SLC7A2: variants seen among roughly 807,000 people sequenced by gnomAD.
The protein encoded by SLC7A2 is cationic amino acid transporter 2.
A neutral mutation model predicts 58.9 loss-of-function variants in SLC7A2; 48 were observed. The ratio of observed to expected loss-of-function variants is 0.82; its 90% CI spans 0.65 to 1.04. The LOEUF is 1.04. Ranked by LOEUF, SLC7A2 falls within the 50% of genes least tolerant of loss-of-function variation. The probability of loss-of-function intolerance (pLI) is 0.00; values close to 1 mark genes in which losing one functional copy is unlikely to be tolerated. For missense variants in SLC7A2, 1,029 were observed against 818.8 expected (o/e 1.26, Z -3.13); for synonymous variants, 363 against 314.5 (o/e 1.15, Z -1.63).
intron 2 of SLC7A2, among the ~76,000 whole-genome samples, chr8:17,506,094 T>A (rs1800354040): frequency 6.6e-6 from 1 of 152,246 alleles, no homozygotes; most frequent in Non-Finnish European, 1.5e-5. Context: ...TTTAAATGCG[T>A]TGCATTTGTG....
intron 2 of SLC7A2, among the ~76,000 whole-genome samples, chr8:17,510,284 G>A (rs559431493): frequency 2.8e-4 from 42 of 151,782 alleles, no homozygotes; most frequent in African/African-American, 9.7e-4. Context: ...TTTTGTGTAC[G>A]AAAGTATCTG....
intron 11 of SLC7A2, 35 bp from the exon 12 acceptor site, chr8:17,563,568 A>T (rs1803121429): frequency 7.9e-7 from 1 of 1,272,478 alleles, no homozygotes. Flanking sequence ...GCTTCAAAAT[A>T]TGAGTATGTT....
At chr8:17,543,203 C>A in intron 2 of SLC7A2, 115 bp from the exon 3 acceptor site, 1 of 940,152 alleles carries the variant, frequency 1.1e-6, no homozygotes, top group Non-Finnish European at 1.6e-6. Context: ...CACACACACA[C>A]ACACACACAC....
upstream of SLC7A2, among the ~76,000 whole-genome samples, chr8:17,496,894 G>A (rs1384129827): frequency 2.0e-5 from 3 of 151,814 alleles, no homozygotes; most frequent in African/African-American, 4.8e-5. Context: ...GCCCACGTGT[G>A]CTCGGCTCCA....
At chr8:17,537,009 C>T (rs1270196042) in intron 2 of SLC7A2, among the ~76,000 whole-genome samples, 1 of 152,164 alleles carries the variant, frequency 6.6e-6, no homozygotes, top group Admixed American at 6.5e-5. Flanking sequence ...GGGGCAGCTG[C>T]CTTTCACAAG....
intron 1 of SLC7A2, among the ~76,000 whole-genome samples, chr8:17,501,099 C>G (rs1437770032): frequency 1.3e-5 from 2 of 151,768 alleles, no homozygotes; most frequent in South Asian, 2.1e-4. Context: ...CTGCAACTTT[C>G]ACCTCGTGGG....
intron 2 of SLC7A2, among the ~76,000 whole-genome samples, chr8:17,540,154 A>AT: frequency 6.6e-6 from 1 of 152,096 alleles, no homozygotes; most frequent in East Asian, 1.9e-4. Context: ...GGACTCAATA[A>AT]ATGTTTGTTT....
In SLC7A2 at chr8:17,505,766, G is replaced by C. The variant is rs150957159; in HGVS notation, c.-23+3464G>C. ...TGACATTTGAAATCTAATCTTGCCA[G>C]TTCAATGTCAGTCTGATACGGATAT... On this transcript the variant is annotated intron_variant, in intron 2 of 12. Transcript: ENST00000494857. Among the ~76,000 whole-genome samples the C allele has an allele frequency of 1.1e-4, 16 of 152,268 alleles. 1 individual carries two copies. The highest frequency in any genetic ancestry group is 3.1e-4 in the African/African-American group (13 of 41,542).
intron 2 of SLC7A2, among the ~76,000 whole-genome samples, chr8:17,542,026 A>G (rs990516671): frequency 6.6e-6 from 1 of 152,104 alleles, no homozygotes; most frequent in Non-Finnish European, 1.5e-5. Context: ...TGGACTTTGG[A>G]CTTATTTATC....
At chr8:17,562,180 A>ATTTTTTTTTTTTTTTT (rs200130071) in intron 11 of SLC7A2, 70 bp downstream of exon 11, 42 of 594,372 alleles carry the variant, frequency 7.1e-5, no homozygotes, top group African/African-American at 6.6e-4. Context: ...TTTGGTAAGT[A>ATTTTTTTTTTTTTTTT]TTTTTTTTTT....
intron 3 of SLC7A2, among the ~76,000 whole-genome samples, chr8:17,544,238 A>C (rs1476242521): frequency 6.6e-6 from 1 of 152,236 alleles, no homozygotes; most frequent in African/African-American, 2.4e-5. Context: ...TTTTTAAGTT[A>C]TAATTCTTTA....
chr8:17,518,176 C>G (rs1246068980), intron 2 of SLC7A2, among the ~76,000 whole-genome samples: 5 of 151,692 alleles, frequency 3.3e-5, no homozygotes, highest in Non-Finnish European at 7.4e-5. Flanking sequence ...CTTTTTCTCC[C>G]CATATGATAG....
At chr8:17,513,801 C>T (rs557699531) in intron 2 of SLC7A2, among the ~76,000 whole-genome samples, 33 of 152,296 alleles carry the variant, frequency 2.2e-4, no homozygotes, top group African/African-American at 7.0e-4. Flanking sequence ...CCACTTACAA[C>T]AGCGCTAAGA....
At chr8:17,563,799 C>A in intron 12 of SLC7A2, 88 bp downstream of exon 12, 1 of 766,402 alleles carries the variant, frequency 1.3e-6, no homozygotes, top group Non-Finnish European at 2.2e-6. Flanking sequence ...GGAATAAAGG[C>A]TTTTTTTTCC....
chr8:17,515,120 C>A (rs1017237452), intron 2 of SLC7A2, among the ~76,000 whole-genome samples: 3 of 152,052 alleles, frequency 2.0e-5, no homozygotes, highest in African/African-American at 7.2e-5. Context: ...TCAGATGAAC[C>A]TTTAAACTTA....
At chr8:17,556,702 G>A (rs138108339) in intron 8 of SLC7A2, among the ~76,000 whole-genome samples, 2,270 of 151,764 alleles carry the variant, frequency 0.015, 53 homozygotes, top group African/African-American at 0.051. Flanking sequence ...TCCACCTCCC[G>A]AGTTCAAGCA....
chr8:17,549,455 G>A lies in SLC7A2; in HGVS notation c.698+612G>A, dbSNP rs376566882. Among the ~76,000 whole-genome samples, 22 of 152,302 alleles carry A rather than the reference G, an allele frequency of 1.4e-4. No homozygotes were observed. The East Asian group carries it at 2.5e-3, about 17-fold the overall frequency. On this transcript the variant is annotated intron_variant, in intron 5 of 12. Coordinates refer to ENST00000494857, the MANE Select transcript of SLC7A2 (RefSeq NM_001370338.1). ...GGTTCCCAGCCTCAAGCTCTGCTCC[G>A]GGTTTAGGGAAAGAGCAAGGGAAGA...
intron 2 of SLC7A2, among the ~76,000 whole-genome samples, chr8:17,536,444 C>T (rs1333269194): frequency 6.6e-6 from 1 of 151,858 alleles, no homozygotes; most frequent in Non-Finnish European, 1.5e-5. Context: ...GTGGCGGGTG[C>T]CTGTAACTAC....
chr8:17,561,936 C>A lies in SLC7A2; in HGVS notation c.1505-8C>A. 6.2e-7 allele frequency: 1 copy of A among 1,613,748 alleles called. No homozygotes were observed. The highest frequency in any genetic ancestry group is 1.1e-5 in the South Asian group (1 of 91,032). ...TGCTGACTCTGTTATCTACACATCCCCCTGCAGCTTTCCTCGTGTTGGGCC... is the reference window on the plus strand; with the variant it reads ...TGCTGACTCTGTTATCTACACATCCACCTGCAGCTTTCCTCGTGTTGGGCC... On this transcript the variant is annotated splice_polypyrimidine_tract_variant and splice_region_variant and intron_variant, in intron 10 of 12. Coordinates refer to ENST00000494857, the MANE Select transcript of SLC7A2 (RefSeq NM_001370338.1).
Sources: gnomAD v4.1 joint callset for allele counts (sites outside exome capture counted in the v4.1 genomes callset) on GRCh38, gnomAD v4.1.1 for gene constraint, MANE v1.5 for transcripts, NCBI Gene and HGNC (gene_info 2026-07-23, HGNC 2026-07-21) for gene names.